Variants in HDAC9 observed in about 807,000 individuals in gnomAD.
The protein encoded by HDAC9 is histone deacetylase 9, also known as MEF-2 interacting transcription repressor (MITR) protein.
In HDAC9, 41 loss-of-function variants were observed where a neutral mutation model predicts 139.4. That is an observed-to-expected ratio of 0.29 (90% CI 0.23 to 0.38). The LOEUF (loss-of-function observed/expected upper bound fraction) is 0.38, where lower values mean the gene tolerates loss of function less well. Among genes scored for constraint, HDAC9 ranks in the 10% least tolerant of loss-of-function variants. The pLI is 1.00. For synonymous variants in HDAC9, 517 were observed against 476.2 expected (o/e 1.09, Z -1.12); for missense variants, 1,147 against 1,297.0 (o/e 0.88, Z 1.78).
At chr7:18,595,746 A>T (rs1212671326) in intron 6 of HDAC9, among the ~76,000 whole-genome samples, 1 of 152,070 alleles carries the variant, frequency 6.6e-6, no homozygotes, top group Non-Finnish European at 1.5e-5. Flanking sequence ...TGACTGCAGA[A>T]CTGATAACTG....
intron 15 of HDAC9, among the ~76,000 whole-genome samples, chr7:18,763,850 T>C (rs974773608): frequency 1.3e-5 from 2 of 152,148 alleles, no homozygotes; most frequent in East Asian, 3.8e-4. Context: ...GGTCCTAAAG[T>C]ATAAATCAAC....
chr7:18,759,197 A>G (rs543686290), intron 14 of HDAC9, among the ~76,000 whole-genome samples: 60 of 152,246 alleles, frequency 3.9e-4, no homozygotes, highest in African/African-American at 1.4e-3. Flanking sequence ...TGACCGATTC[A>G]GCAGGTTTCT....
chr7:18,623,719 G>A (rs146196622), intron 6 of HDAC9, among the ~76,000 whole-genome samples: 79 of 152,212 alleles, frequency 5.2e-4, no homozygotes, highest in African/African-American at 1.7e-3. Flanking sequence ...CAAGGCGGGC[G>A]GATTACAAGG....
intron 6 of HDAC9, among the ~76,000 whole-genome samples, chr7:18,604,250 G>T (rs1294151451): frequency 6.6e-6 from 1 of 152,144 alleles, no homozygotes; most frequent in African/African-American, 2.4e-5. Flanking sequence ...TTAGGAATAT[G>T]TTATACCTTT....
At chr7:18,524,319 T>C (rs1036118443) in intron 2 of HDAC9, among the ~76,000 whole-genome samples, 1 of 152,118 alleles carries the variant, frequency 6.6e-6, no homozygotes, top group African/African-American at 2.4e-5. Flanking sequence ...ATTGCAGGGA[T>C]TTTAAACTCA....
Position 18,162,465 on chromosome 7 carries a change from A to G in HDAC9, c.25+116A>G, listed in dbSNP as rs1787698388. 3.2e-6 allele frequency: 3 copies of G among 948,928 alleles called. No individual in the cohort carries two copies. The South Asian group carries it at 4.6e-5, about 15-fold the overall frequency. The allele number at this position is 948,928 out of a possible 1,614,324, so 58.8% of individuals were successfully genotyped here. ...GGAACTTTTTTTTTTTTGGACAAAG[A>G]TTGCTTAATGTAACAAATTTTGAAT... On this transcript the variant is annotated intron_variant, in intron 2 of 12. Coordinates refer to the HDAC9 transcript ENST00000417496.
intron 2 of HDAC9, among the ~76,000 whole-genome samples, chr7:18,547,836 C>CTTCCTTCCTTCT (rs1815541934): frequency 1.5e-5 from 2 of 134,776 alleles, no homozygotes; most frequent in African/African-American, 5.7e-5. Context: ...TCCTTCCTTC[C>CTTCCTTCCTTCT]TTCCTTCCTT....
intron 17 of HDAC9, among the ~76,000 whole-genome samples, chr7:18,797,525 T>C (rs2129181782): frequency 6.6e-6 from 1 of 152,248 alleles, no homozygotes; most frequent in African/African-American, 2.4e-5. Context: ...GTCATTAATC[T>C]ATTATATTTT....
intron 17 of HDAC9, among the ~76,000 whole-genome samples, chr7:18,824,296 A>C (rs1795247498): frequency 1.3e-5 from 2 of 152,174 alleles, no homozygotes. Flanking sequence ...TGTGCAAGCC[A>C]CCTAACCTAT....
At chr7:18,757,188 ATTCT>A (rs1474054331) in intron 14 of HDAC9, among the ~76,000 whole-genome samples, 1 of 152,118 alleles carries the variant, frequency 6.6e-6, no homozygotes. Flanking sequence ...GTCATTTATG[ATTCT>A]TTATTTTCTT....
At chr7:18,211,097 GC>G (rs1432653720) in intron 2 of HDAC9, among the ~76,000 whole-genome samples, 1 of 152,164 alleles carries the variant, frequency 6.6e-6, no homozygotes, top group Non-Finnish European at 1.5e-5. Flanking sequence ...GAATGAGAAT[GC>G]CTAATAATAA....
chr7:18,313,403 A>G (rs1392981252), intron 1 of HDAC9, among the ~76,000 whole-genome samples: 3 of 152,176 alleles, frequency 2.0e-5, no homozygotes, highest in Admixed American at 6.6e-5. Flanking sequence ...TTCAGAAGTG[A>G]TTTCAGAATT....
rs60293429 is a variant in HDAC9, at chr7:18,296,424, T to TTGTG, written c.-42+5927_-42+5930dup. Among the ~76,000 whole-genome samples, 1,093 of 150,602 alleles carry TTGTG rather than the reference T, an allele frequency of 7.3e-3. 12 individuals carry two copies. The highest frequency in any genetic ancestry group is 0.025 in the African/African-American group (1,035 of 41,140). On this transcript the variant is annotated intron_variant, in intron 1 of 3. Coordinates refer to the HDAC9 transcript ENST00000413509. Reference sequence around the variant, plus strand: ...ATAACATAATTCATATAGCTCATATTTGTGTGTGTGTGTGTGTGTGTAACT... The same window carrying TTGTG: ...ATAACATAATTCATATAGCTCATATTTGTGTGTGTGTGTGTGTGTGTGTGTAACT...
chr7:18,724,861 A>C (rs111407676), intron 12 of HDAC9, among the ~76,000 whole-genome samples: 1,917 of 152,332 alleles, frequency 0.013, 15 homozygotes, highest in African/African-American at 0.031. Context: ...TACTGCATGC[A>C]ATAACTCTAA....
chr7:18,292,376 C>G (rs1324071749), intron 1 of HDAC9, among the ~76,000 whole-genome samples: 6 of 152,060 alleles, frequency 3.9e-5, no homozygotes, highest in Non-Finnish European at 5.9e-5. Flanking sequence ...CATGTGCACT[C>G]GAAATGCATC....
At chr7:18,901,464 A>G (rs1585265010) in intron 22 of HDAC9, among the ~76,000 whole-genome samples, 1 of 152,106 alleles carries the variant, frequency 6.6e-6, no homozygotes, top group African/African-American at 2.4e-5. Context: ...CACGTAATAT[A>G]GTGGAGACTT....
chr7:18,483,200 G>A (rs1178070553), intron 1 of HDAC9, among the ~76,000 whole-genome samples: 1 of 152,146 alleles, frequency 6.6e-6, no homozygotes, highest in Non-Finnish European at 1.5e-5. Flanking sequence ...TGATTTCTGT[G>A]AAAGAAAACA....
At chr7:18,658,708 T>G (rs79524815) in intron 11 of HDAC9, among the ~76,000 whole-genome samples, 5,630 of 152,154 alleles carry the variant, frequency 0.037, 129 homozygotes, top group South Asian at 0.057. Context: ...CTACTCCAAG[T>G]AGACCTCTCA....
At chr7:18,219,215 G>C (rs1792516800) in intron 2 of HDAC9, among the ~76,000 whole-genome samples, 1 of 151,850 alleles carries the variant, frequency 6.6e-6, no homozygotes. Context: ...GATTTTTAAA[G>C]GTATCTTTAT....
Sources: allele counts gnomAD v4.1 joint callset (sites outside exome capture counted in the v4.1 genomes callset), GRCh38; gene constraint gnomAD v4.1.1; transcripts MANE v1.5; gene names NCBI Gene and HGNC (gene_info 2026-07-23, HGNC 2026-07-21).